Variants in CHD2 observed in about 807,000 individuals in gnomAD.
CHD2 encodes the protein chromodomain helicase DNA binding protein 2, also known as ATP-dependent chromatin remodeler CHD2.
In CHD2, 28 loss-of-function variants were observed where a neutral mutation model predicts 243.9. That is an observed-to-expected ratio of 0.11 (90% CI 0.09 to 0.16). CHD2 has a LOEUF of 0.16. Among genes scored for constraint, CHD2 ranks in the 10% least tolerant of loss-of-function variants. The pLI, the probability that CHD2 is intolerant of heterozygous loss-of-function variation, is 1.00. For missense variants in CHD2, 1,386 were observed against 2,209.8 expected, an observed-to-expected ratio of 0.63 and a Z score of 7.47; for synonymous variants, 775 against 779.0, an observed-to-expected ratio of 0.99 and a Z score of 0.09.
intron 2 of CHD2, among the ~76,000 whole-genome samples, chr15:92,909,002 C>A (rs981431478): frequency 3.3e-5 from 5 of 151,884 alleles, no homozygotes; most frequent in African/African-American, 1.2e-4. Context: ...GCCTGTAGTC[C>A]CAGCTGCTTG....
chr15:93,013,850 G>A (rs943334519), intron 36 of CHD2, among the ~76,000 whole-genome samples: 11 of 143,194 alleles, frequency 7.7e-5, no homozygotes, highest in Admixed American at 4.4e-4. Flanking sequence ...TGGGAGGATC[G>A]CATGAGACCA....
At chr15:92,923,588 A>C in intron 2 of CHD2, among the ~76,000 whole-genome samples, 3 of 122,756 alleles carry the variant, frequency 2.4e-5, no homozygotes, top group Non-Finnish European at 4.9e-5. Context: ...TTTTCTGGAG[A>C]CCAAGTCTCG....
chr15:93,020,081 G>A lies in CHD2; in HGVS notation c.4976G>A (p.Ser1659Asn), dbSNP rs748829883. 1.4e-5 allele frequency: 23 copies of A among 1,614,062 alleles called. No homozygotes were observed. The East Asian group carries it at 1.8e-4, about 13-fold the overall frequency. ...GGCAACAACAATCCACCATGGGGAA[G>A]CGACAGGCACCATCAGTATGAGCAG... Reference protein sequence around the residue: ...GGGNNNPPWGSDRHHQYEQHW... With the variant: ...GGGNNNPPWGNDRHHQYEQHW... The change falls in exon 38 of 39, where the codon AGC becomes AAC. Residue 1659 changes from serine to asparagine, a missense_variant. This residue lies in a region of CHD2 where 347 missense variants were observed against 341.6 expected (regional missense o/e 1.02). Transcript: ENST00000394196.
chr15:92,979,118 A>C lies in CHD2; in HGVS notation c.2728-17A>C. On this transcript the variant is annotated splice_polypyrimidine_tract_variant and intron_variant, in intron 21 of 38. Transcript: ENST00000394196. ...GGGGTGGTTCAGGCATAAGCATAAC[A>C]GTTCCTTTTCCTACAGGTAAATATT... 6.2e-7 allele frequency: 1 copy of C among 1,613,414 alleles called. No homozygotes were observed. Among genetic ancestry groups the C allele is most frequent in the Non-Finnish European group, 8.5e-7 (1 of 1,179,624 alleles).
intron 2 of CHD2, chr15:92,904,566 C>T (rs943184355): frequency 9.8e-7 from 1 of 1,016,206 alleles, no homozygotes; most frequent in Non-Finnish European, 1.2e-6. Flanking sequence ...TCCTGGCAGT[C>T]TTGTCCGCCC....
chr15:92,998,112 AG>A lies in CHD2; in HGVS notation c.3886-386del. On this transcript the variant is annotated intron_variant, in intron 30 of 38. Transcript: ENST00000394196. The surrounding 1 kb of genome is among the most constrained non-coding windows in gnomAD (Gnocchi z 5.1). ...CTCAGTGCTCTCCGGCAATGCTCTA[AG>A]AAGCATTTTCAATCTAAAACGAAGC... The A allele has an allele frequency of 1.1e-6, 1 of 896,268 alleles. No individual in the cohort carries two copies. The allele number at this position is 896,268 out of a possible 1,614,324, so 55.5% of individuals were successfully genotyped here. A position where few individuals can be genotyped will look rare whatever the true frequency, so the allele number is the denominator to read the frequency against.
chr15:92,966,540 T>C (rs192968008), intron 16 of CHD2, among the ~76,000 whole-genome samples: 1 of 152,218 alleles, frequency 6.6e-6, no homozygotes, highest in African/African-American at 2.4e-5. Context: ...AAAGATCATA[T>C]AATCTGCTTC....
chr15:92,919,616 C>G, intron 2 of CHD2, among the ~76,000 whole-genome samples: 1 of 152,138 alleles, frequency 6.6e-6, no homozygotes, highest in East Asian at 1.9e-4. Context: ...GGTCTCCCAT[C>G]TCCTGACCTC....
intron 2 of CHD2, among the ~76,000 whole-genome samples, chr15:92,917,950 C>G (rs2052874418): frequency 2.0e-5 from 3 of 152,124 alleles, no homozygotes; most frequent in Admixed American, 6.5e-5. Context: ...GTGTAGATTG[C>G]TTTGTGATTG....
chr15:93,012,752 TA>T (rs1246097047), intron 36 of CHD2, among the ~76,000 whole-genome samples: 1 of 152,238 alleles, frequency 6.6e-6, no homozygotes, highest in African/African-American at 2.4e-5. Flanking sequence ...TCCTAGGAAG[TA>T]ATAGGGTGGT....
Position 92,994,397 on chromosome 15 carries a change from TAAA to T in CHD2, c.3595+1403_3595+1405del, listed in dbSNP as rs568317759. On this transcript the variant is annotated intron_variant, in intron 28 of 38. Transcript: ENST00000394196. ...TTTTTTCTTTTTAAGATTTTAATAATAAAAAATTATTTTATTATTCAATAATAA... is the reference window on the plus strand; with the variant it reads ...TTTTTTCTTTTTAAGATTTTAATAATAAATTATTTTATTATTCAATAATAA... Among the ~76,000 whole-genome samples the T allele has an allele frequency of 7.2e-4, 109 of 152,100 alleles. 1 individual carries two copies. Among genetic ancestry groups the T allele is most frequent in the Non-Finnish European group, 1.3e-3 (85 of 67,968 alleles).
Position 92,997,829 on chromosome 15 carries a change from GTTC to G in CHD2, c.3885+431_3885+433del, listed in dbSNP as rs2054205533. 6.6e-6 allele frequency among the ~76,000 whole-genome samples: 1 copy of G among 152,184 alleles called. No homozygotes were observed. Among genetic ancestry groups the G allele is most frequent in the African/African-American group, 2.4e-5 (1 of 41,444 alleles). On this transcript the variant is annotated intron_variant, in intron 30 of 38. Transcript: ENST00000394196. This position sits in a 1 kb window ranked among gnomAD's most constrained non-coding sequence, Gnocchi z 4.1. ...TTTGTAATGGAATTAAACATTGGCT[GTTC>G]TTCTCCCACAAAATCGAGCCTCCCA...
At chr15:92,963,774 G>T (rs987331228) in intron 16 of CHD2, among the ~76,000 whole-genome samples, 2 of 152,196 alleles carry the variant, frequency 1.3e-5, no homozygotes, top group Non-Finnish European at 2.9e-5. Context: ...ACCAAGGCCA[G>T]TGTCCTTTGA....
At chr15:92,936,004 G>A (rs1048007829) in intron 5 of CHD2, among the ~76,000 whole-genome samples, 1 of 151,600 alleles carries the variant, frequency 6.6e-6, no homozygotes, top group African/African-American at 2.4e-5. Flanking sequence ...GTACAAAGAC[G>A]AACAAAAAGT....
intron 1 of CHD2, 113 bp from the exon 2 acceptor site, chr15:92,901,054 T>C (rs2052522054): frequency 4.9e-6 from 3 of 612,054 alleles, no homozygotes; most frequent in Non-Finnish European, 8.8e-6. Flanking sequence ...AGTTTTTTGG[T>C]GCTTACCGTT....
chr15:92,903,912 C>T (rs2052567943), intron 2 of CHD2, among the ~76,000 whole-genome samples: 2 of 152,160 alleles, frequency 1.3e-5, no homozygotes, highest in Admixed American at 6.5e-5. Context: ...ACCAGATATT[C>T]TAAAAGGCTG....
chr15:92,908,804 C>T (rs2141712311), intron 2 of CHD2, among the ~76,000 whole-genome samples: 2 of 152,208 alleles, frequency 1.3e-5, no homozygotes, highest in Middle Eastern at 6.8e-3. Context: ...ATGGCAGATC[C>T]AGTTCTAGGC....
chr15:92,962,476 G>C (rs1336470860), intron 16 of CHD2, among the ~76,000 whole-genome samples: 1 of 151,816 alleles, frequency 6.6e-6, no homozygotes, highest in Non-Finnish European at 1.5e-5. Context: ...ATATATTTAG[G>C]GATTTTCCAA....
intron 32 of CHD2, among the ~76,000 whole-genome samples, chr15:93,001,630 C>T (rs2054257814): frequency 6.6e-6 from 1 of 152,122 alleles, no homozygotes; most frequent in African/African-American, 2.4e-5. Context: ...GATTCTCCTG[C>T]CGCAGCCTCC....
Sources: gnomAD v4.1 joint callset for allele counts (sites outside exome capture counted in the v4.1 genomes callset) on GRCh38, gnomAD v4.1.1 for gene constraint, gnomAD v4.1.1 regional missense constraint, Gnocchi (gnomAD v3.1) non-coding constraint, MANE v1.5 for transcripts, NCBI Gene and HGNC (gene_info 2026-07-23, HGNC 2026-07-21) for gene names.